The following BTBD7 variants were observed in gnomAD, a reference collection of about 807,000 sequenced individuals.
The protein encoded by BTBD7 is BTB/POZ domain-containing protein 7.
A neutral mutation model predicts 99.9 loss-of-function variants in BTBD7; 38 were observed. The observed-to-expected ratio is 0.38, with a 90% CI of 0.29 to 0.50. The LOEUF is 0.50. Ranked by LOEUF, BTBD7 falls within the 20% of genes least tolerant of loss-of-function variation. BTBD7 has a pLI of 0.93. For missense variants in BTBD7, 1,170 were observed against 1,394.6 expected (o/e 0.84, Z 2.57); for synonymous variants, 520 against 511.4 (o/e 1.02, Z -0.23).
Position 93,239,138 on chromosome 14 carries a change from T to C in BTBD7, c.*3135A>G, listed in dbSNP as rs982991492. 6.6e-6 allele frequency: 1 copy of C among 152,380 alleles called. No individual in the cohort carries two copies. Among genetic ancestry groups the C allele is most frequent in the Non-Finnish European group, 1.5e-5 (1 of 68,038 alleles). The allele number at this position is 152,380 out of a possible 1,614,324, so 9.4% of individuals were successfully genotyped here. Reference sequence around the variant, plus strand: ...ACTTTTTGCCTTTCATGATGCTGTTTTTTCCTTAGGAGCCACGGGTGACTC... The same window carrying C: ...ACTTTTTGCCTTTCATGATGCTGTTCTTTCCTTAGGAGCCACGGGTGACTC... On this transcript the variant is annotated 3_prime_UTR_variant, in exon 11 of 11. Coordinates refer to ENST00000334746, the MANE Select transcript of BTBD7 (RefSeq NM_001002860.4).
intron 3 of BTBD7, among the ~76,000 whole-genome samples, chr14:93,280,001 A>G (rs1247171092): frequency 6.6e-6 from 1 of 152,254 alleles, no homozygotes; most frequent in African/African-American, 2.4e-5. Context: ...GATCAGATCT[A>G]TAATACTGTA....
Position 93,246,156 on chromosome 14 carries a change from A to G in BTBD7, c.2252T>C (p.Phe751Ser). ...AETMFTDLDSFVAFHPPLPPP... is the reference protein window; with the variant it reads ...AETMFTDLDSSVAFHPPLPPP... ...GGGCAAGGGTGGATGGAAGGCCACA[A>G]AAGAGTCCAGATCTGTAAACATGGT... is the stretch of plus-strand genomic sequence containing the variant. Residue 751 changes from phenylalanine to serine, a missense_variant, in exon 10 of 11, where the codon TTT (phenylalanine) becomes TCT (serine). Transcript: ENST00000334746. 2 of 1,614,052 alleles carry G rather than the reference A, an allele frequency of 1.2e-6. No homozygotes were observed. The highest frequency in any genetic ancestry group is 1.7e-6 in the Non-Finnish European group (2 of 1,179,964).
chr14:93,278,838 T>C (rs71429789), intron 3 of BTBD7, among the ~76,000 whole-genome samples: 25,410 of 152,162 alleles, frequency 0.17, 2,358 homozygotes, highest in East Asian at 0.31. Flanking sequence ...CTCAGGCATG[T>C]AATCCCAGCA....
chr14:93,249,376 G>A (rs2052347721), intron 8 of BTBD7, among the ~76,000 whole-genome samples: 1 of 151,890 alleles, frequency 6.6e-6, no homozygotes, highest in Admixed American at 6.6e-5. Flanking sequence ...CAGAACTTAG[G>A]GTTCAGAGCT....
At chr14:93,305,182 T>G (rs2053055861) in intron 1 of BTBD7, among the ~76,000 whole-genome samples, 1 of 152,238 alleles carries the variant, frequency 6.6e-6, no homozygotes, top group South Asian at 2.1e-4. Flanking sequence ...GGGGACCCAT[T>G]ACTTTAAATT....
chr14:93,264,027 T>A, intron 3 of BTBD7, 34 bp from the exon 4 acceptor site: 4 of 1,567,786 alleles, frequency 2.6e-6, no homozygotes, highest in Non-Finnish European at 2.6e-6. Context: ...TTGAGATTAA[T>A]CATAAATATT....
intron 3 of BTBD7, among the ~76,000 whole-genome samples, chr14:93,268,863 A>C (rs2052571559): frequency 1.4e-5 from 2 of 147,458 alleles, no homozygotes; most frequent in Admixed American, 1.4e-4. Context: ...GGTTCAAGGG[A>C]TTCTCCCGTC....
At chr14:93,272,368 T>C (rs1359745678) in intron 3 of BTBD7, among the ~76,000 whole-genome samples, 8 of 152,304 alleles carry the variant, frequency 5.3e-5, no homozygotes, top group South Asian at 4.1e-4. Flanking sequence ...ACACTGGAAA[T>C]TGGGGAGAAA....
At chr14:93,266,163 T>TG (rs2052540794) in intron 3 of BTBD7, among the ~76,000 whole-genome samples, 3 of 151,892 alleles carry the variant, frequency 2.0e-5, no homozygotes. Flanking sequence ...ATAAAATATC[T>TG]GGGTTTTTTT....
Position 93,315,793 on chromosome 14 carries a change from G to A in BTBD7, c.-107+17027C>T, listed in dbSNP as rs1313528980. ...TTTCATTGTATGGATATACCACATT[G>A]TATTTGATTTATTCATTCATCCATC... On this transcript the variant is annotated intron_variant, in intron 1 of 10. Coordinates refer to ENST00000334746, the MANE Select transcript of BTBD7 (RefSeq NM_001002860.4). Among the ~76,000 whole-genome samples, 6 of 151,978 alleles carry A rather than the reference G, an allele frequency of 3.9e-5. No individual in the cohort carries two copies. The South Asian group carries it at 6.2e-4, about 16-fold the overall frequency.
intron 3 of BTBD7, chr14:93,288,656 C>G (rs1205874650): frequency 4.3e-6 from 6 of 1,385,968 alleles, no homozygotes; most frequent in African/African-American, 2.9e-5. Context: ...AGGCAGTAAG[C>G]AGCTGTTTGA....
chr14:93,295,469 G>A (rs1458845129), intron 2 of BTBD7, among the ~76,000 whole-genome samples: 2 of 152,026 alleles, frequency 1.3e-5, no homozygotes, highest in African/African-American at 4.8e-5. Flanking sequence ...GACAAACAGA[G>A]CAAATTAGTC....
At chr14:93,311,285 G>A (rs2053135361) in intron 1 of BTBD7, among the ~76,000 whole-genome samples, 1 of 152,038 alleles carries the variant, frequency 6.6e-6, no homozygotes, top group Admixed American at 6.6e-5. Flanking sequence ...CTCTGCCTCC[G>A]AGAGCAGAGG....
intron 1 of BTBD7, among the ~76,000 whole-genome samples, chr14:93,298,530 T>C (rs553157808): frequency 6.6e-6 from 1 of 152,302 alleles, no homozygotes; most frequent in South Asian, 2.1e-4. Flanking sequence ...GTGTTTAGAC[T>C]TGGGTACCCC....
intron 3 of BTBD7, among the ~76,000 whole-genome samples, chr14:93,265,153 C>T (rs983364787): frequency 2.6e-5 from 4 of 152,022 alleles, no homozygotes; most frequent in African/African-American, 7.2e-5. Context: ...ACAGAAAGGG[C>T]GTAAATAAAC....
chr14:93,296,428 A>AT (rs1040363480), intron 1 of BTBD7, among the ~76,000 whole-genome samples: 46 of 152,354 alleles, frequency 3.0e-4, no homozygotes, highest in Admixed American at 1.7e-3. Context: ...CAGGAAGAGT[A>AT]TTTGAAAACA....
chr14:93,320,288 G>C (rs1330276448), intron 1 of BTBD7, among the ~76,000 whole-genome samples: 2 of 152,154 alleles, frequency 1.3e-5, no homozygotes, highest in Non-Finnish European at 2.9e-5. Flanking sequence ...CCCCACACTT[G>C]ACAATGTCTG....
At position 93,332,839 on chromosome 14, in the gene BTBD7, G is replaced by T. The variant is rs750581727; in HGVS notation, c.-126C>A. 6.8e-6 allele frequency: 10 copies of T among 1,477,596 alleles called. No homozygotes were observed. Among genetic ancestry groups the T allele is most frequent in the South Asian group, 1.3e-5 (1 of 78,780 alleles). 91.5% of individuals were successfully genotyped at this position (1,477,596 alleles called of 1,614,324 possible). On this transcript the variant is annotated 5_prime_UTR_variant, in exon 1 of 11. Coordinates refer to ENST00000334746, the MANE Select transcript of BTBD7 (RefSeq NM_001002860.4). ...ACTCACCCCGGAGGCTCCTCCCGCC[G>T]CTGCTGCTGCCGCTGGGACCGCTGC... is the stretch of plus-strand genomic sequence containing the variant.
At chr14:93,305,936 C>T (rs1001539984) in intron 1 of BTBD7, among the ~76,000 whole-genome samples, 1 of 152,188 alleles carries the variant, frequency 6.6e-6, no homozygotes, top group African/African-American at 2.4e-5. Context: ...CTTATAAAGC[C>T]ACCAGCCCCA....
Sources: gnomAD v4.1 joint callset for allele counts (sites outside exome capture counted in the v4.1 genomes callset) on GRCh38, gnomAD v4.1.1 for gene constraint, MANE v1.5 for transcripts, NCBI Gene and HGNC (gene_info 2026-07-23, HGNC 2026-07-21) for gene names.